ZC3HC1: variants seen among roughly 807,000 people sequenced by gnomAD.
The protein encoded by ZC3HC1 is zinc finger C3HC-type containing 1.
Under a neutral mutation model 61.9 loss-of-function variants are expected in ZC3HC1, and 38 were observed. The ratio of observed to expected loss-of-function variants is 0.61; its 90% CI spans 0.47 to 0.81. The LOEUF (loss-of-function observed/expected upper bound fraction) is 0.81. Ranked by LOEUF, ZC3HC1 falls within the 30% of genes least tolerant of loss-of-function variation. The pLI is 0.00. For missense variants in ZC3HC1, 554 were observed against 622.7 expected (o/e 0.89, Z 1.17); for synonymous variants, 213 against 229.9 (o/e 0.93, Z 0.67).
At chr7:130,029,181 G>T in intron 4 of ZC3HC1, 152 bp from the exon 5 acceptor site, 1 of 743,990 alleles carries the variant, frequency 1.3e-6, no homozygotes, top group Non-Finnish European at 1.9e-6. Flanking sequence ...GACCAACCTA[G>T]CCAACCTAGA....
chr7:130,028,908 T>G lies in ZC3HC1; in HGVS notation c.615A>C (p.Lys205Asn), dbSNP rs751545096. 1 of 1,612,634 alleles carries G rather than the reference T, an allele frequency of 6.2e-7. No homozygotes were observed. Among genetic ancestry groups the G allele is most frequent in the Non-Finnish European group, 8.5e-7 (1 of 1,179,122 alleles). The change falls in exon 5 of 10, where the codon AAA becomes AAC. Residue 205 changes from lysine (K) to asparagine (N), a missense_variant. Physicochemically the swap from Lys to Asn is moderately conservative, Grantham distance 94. Transcript: ENST00000358303. ...QLPSLRPEDL[K>N]TMCLTEDKIS... ...CTAGTCAGGAAAAACTCACCATAGT[T>G]TTCAAGTCCTCCGGCCTTAGGGAAG...
intron 4 of ZC3HC1, among the ~76,000 whole-genome samples, chr7:130,030,822 C>G (rs1794149856): frequency 6.6e-6 from 1 of 151,806 alleles, no homozygotes; most frequent in African/African-American, 2.4e-5. Context: ...GCGCCCGCCA[C>G]TGCGCCTGGC....
intron 4 of ZC3HC1, among the ~76,000 whole-genome samples, chr7:130,034,888 C>G (rs1794370652): frequency 6.6e-6 from 1 of 152,142 alleles, no homozygotes; most frequent in Non-Finnish European, 1.5e-5. Flanking sequence ...TTCATGTTAT[C>G]TATAACATCT....
Position 130,051,252 on chromosome 7 carries a change from C to A in ZC3HC1, c.115G>T (p.Gly39Trp), listed in dbSNP as rs763969059. 22 of 1,611,744 alleles carry A rather than the reference C, an allele frequency of 1.4e-5. No homozygotes were observed. The Admixed American group carries it at 3.5e-4, about 26-fold the overall frequency. Reference protein sequence around the residue: ...PQKIRQLIDEGIAPEEGGVDA... With the variant: ...PQKIRQLIDEWIAPEEGGVDA... ...ACGCCTCCCTCTTCCGGGGCAATCC[C>A]CTCATCTATCAGCTGCCGGATTTTC... Residue 39 changes from glycine to tryptophan, a missense_variant, in exon 1 of 10, where the codon GGG becomes TGG. Gly to Trp is a radical substitution (Grantham distance 184). Transcript: ENST00000358303.
chr7:130,032,068 A>G (rs1794222085), intron 4 of ZC3HC1, among the ~76,000 whole-genome samples: 1 of 152,106 alleles, frequency 6.6e-6, no homozygotes, highest in Non-Finnish European at 1.5e-5. Context: ...TACTAAAAAT[A>G]CAAAAATTAG....
At chr7:130,024,153 G>A in intron 7 of ZC3HC1, 110 bp downstream of exon 7, 1 of 1,400,506 alleles carries the variant, frequency 7.1e-7, no homozygotes, top group Non-Finnish European at 9.6e-7. Context: ...CGTAACCAAT[G>A]TAGTGGGAAG....
intron 8 of ZC3HC1, chr7:130,022,922 C>G (rs1327706859): frequency 3.7e-6 from 1 of 267,492 alleles, no homozygotes; most frequent in Non-Finnish European, 7.2e-6. Flanking sequence ...AGGAACCCTA[C>G]TGTGAACTGC....
intron 4 of ZC3HC1, among the ~76,000 whole-genome samples, chr7:130,032,764 G>GGAAGGAGGGAAGA (rs1423444535): frequency 1.7e-5 from 2 of 119,946 alleles, no homozygotes; most frequent in Admixed American, 1.7e-4. Context: ...AGGGGGGAAG[G>GGAAGGAGGGAAGA]GAAGGAGGGA....
At chr7:130,027,060 C>T (rs1793949537) in intron 5 of ZC3HC1, 1 of 151,788 alleles carries the variant, frequency 6.6e-6, no homozygotes, top group African/African-American at 2.4e-5. Flanking sequence ...CTCCTGAGCT[C>T]AAGCAATCCT....
intron 2 of ZC3HC1, among the ~76,000 whole-genome samples, chr7:130,047,638 T>TACACACACACACACAC (rs34052360): frequency 1.4e-5 from 2 of 138,138 alleles, no homozygotes; most frequent in African/African-American, 5.5e-5. Context: ...AGACTTTGTC[T>TACACACACACACACAC]ACACACACAC....
Position 130,041,032 on chromosome 7 carries a change from C to T in ZC3HC1, c.328G>A (p.Val110Met), listed in dbSNP as rs1563083406. 2 of 1,614,010 alleles carry T rather than the reference C, an allele frequency of 1.2e-6. No homozygotes were observed. The highest frequency in any genetic ancestry group is 1.7e-6 in the Non-Finnish European group (2 of 1,179,990). ...LVCAKYGWVT[V>M]ECDMLKCSSC... is the part of the protein sequence containing the mutation. ...GAGCACTTGAGCATATCACATTCCA[C>T]TGTGACCCAGCCATATTTTGCACAG... Residue 110 changes from valine to methionine, a missense_variant, in exon 3 of 10, where the codon GTG becomes ATG. Transcript: ENST00000358303.
rs778280460 is a variant in ZC3HC1, at chr7:130,024,113, C to T, written c.1020+150G>A. On this transcript the variant is annotated intron_variant, in intron 7 of 9. Transcript: ENST00000358303. ...CCGGGTCTGGCTGAATTTAGCTTCC[C>T]CATTAGTGAACAGAAACACTATGTG... The T allele has an allele frequency of 7.7e-4, 915 of 1,182,250 alleles. 4 individuals carry two copies. Among genetic ancestry groups the T allele is most frequent in the Non-Finnish European group, 1.0e-3 (859 of 859,782 alleles). 73.2% of individuals were successfully genotyped at this position (1,182,250 alleles called of 1,614,324 possible). A position where few individuals can be genotyped will look rare whatever the true frequency, so the allele number is the denominator to read the frequency against.
chr7:130,023,423 A>G lies in ZC3HC1; in HGVS notation c.1233+88T>C. Reference sequence around the variant, plus strand: ...TCTACTTTTTGCATTGGACCACGGAAGGGCTCCTGCCTGCTTCTCCATGCT... The same window carrying G: ...TCTACTTTTTGCATTGGACCACGGAGGGGCTCCTGCCTGCTTCTCCATGCT... On this transcript the variant is annotated intron_variant, in intron 8 of 9. Coordinates refer to ENST00000358303, the MANE Select transcript of ZC3HC1 (RefSeq NM_016478.5). This position sits in a 1 kb window ranked among gnomAD's most constrained non-coding sequence, Gnocchi z 4.2. The G allele has an allele frequency of 7.6e-7, 1 of 1,307,618 alleles. No individual in the cohort carries two copies. Among genetic ancestry groups the G allele is most frequent in the South Asian group, 1.4e-5 (1 of 73,734 alleles). 81.0% of individuals were successfully genotyped at this position (1,307,618 alleles called of 1,614,324 possible). A position where few individuals can be genotyped will look rare whatever the true frequency, so the allele number is the denominator to read the frequency against.
At chr7:130,047,972 G>C (rs1794930975) in intron 2 of ZC3HC1, among the ~76,000 whole-genome samples, 1 of 152,140 alleles carries the variant, frequency 6.6e-6, no homozygotes, top group South Asian at 2.1e-4. Flanking sequence ...CAGCTGCCAA[G>C]TTGTGAACTT....
intron 4 of ZC3HC1, among the ~76,000 whole-genome samples, chr7:130,029,929 G>A (rs181323480): frequency 6.6e-6 from 1 of 152,224 alleles, no homozygotes; most frequent in East Asian, 1.9e-4. Context: ...GCTTAACTGG[G>A]TACCAGAGTA....
chr7:130,019,122 C>T (rs947102458), intron 9 of ZC3HC1, among the ~76,000 whole-genome samples: 3 of 149,226 alleles, frequency 2.0e-5, no homozygotes, highest in East Asian at 2.0e-4. Context: ...GGCGCAATCT[C>T]GGCTCACTGC....
At position 130,020,860 on chromosome 7, in the gene ZC3HC1, A is replaced by G. The variant is rs545809890; in HGVS notation, c.1440+1459T>C. On this transcript the variant is annotated intron_variant, in intron 9 of 9. Transcript: ENST00000358303. ...ATTTTTTTTTCTGTGAAAACTTGGA[A>G]AACCTTCACCTGCATATTTACTAAG... 5.3e-5 allele frequency among the ~76,000 whole-genome samples: 8 copies of G among 152,200 alleles called. No homozygotes were observed. The South Asian group carries it at 1.0e-3, about 20-fold the overall frequency.
At chr7:130,032,668 TGGAAGGAAGGAAGGAAGGAAGGAA>T (rs374532483) in intron 4 of ZC3HC1, among the ~76,000 whole-genome samples, 1 of 58,008 alleles carries the variant, frequency 1.7e-5, no homozygotes, top group Non-Finnish European at 3.1e-5. Context: ...ATAGAAGAAA[TGGAAGGAAGGAAGGAAGGAAGGAA>T]GGAAGGAAGG....
At chr7:130,021,153 G>C (rs766314134) in intron 9 of ZC3HC1, among the ~76,000 whole-genome samples, 1 of 151,662 alleles carries the variant, frequency 6.6e-6, no homozygotes, top group Non-Finnish European at 1.5e-5. Context: ...TGATCCATTC[G>C]CCTTGGCCTC....
Sources: gnomAD v4.1 joint callset for allele counts (sites outside exome capture counted in the v4.1 genomes callset) on GRCh38, gnomAD v4.1.1 for gene constraint, Gnocchi (gnomAD v3.1) non-coding constraint, MANE v1.5 for transcripts, NCBI Gene and HGNC (gene_info 2026-07-23, HGNC 2026-07-21) for gene names.